The following LINGO2 variants were observed in gnomAD, a reference collection of about 807,000 sequenced individuals.
The protein encoded by LINGO2 is leucine-rich repeat and immunoglobulin-like domain-containing nogo receptor-interacting protein 2.
LINGO2 carries 14 observed loss-of-function variants against 30.6 expected under a neutral mutation model. The observed-to-expected ratio is 0.46, with a 90% CI of 0.30 to 0.72. LINGO2 has a LOEUF of 0.72. Ranked by LOEUF, LINGO2 falls within the 30% of genes least tolerant of loss-of-function variation. The probability of loss-of-function intolerance (pLI) is 0.07; values close to 1 mark genes in which losing one functional copy is unlikely to be tolerated. For synonymous variants in LINGO2, 317 were observed against 288.5 expected (o/e 1.10, Z -1.00); for missense variants, 729 against 751.7 (o/e 0.97, Z 0.35).
chr9:27,973,887 C>T (rs1820470365), intron 5 of LINGO2, among the ~76,000 whole-genome samples: 1 of 152,156 alleles, frequency 6.6e-6, no homozygotes, highest in Non-Finnish European at 1.5e-5. Flanking sequence ...TGACCAATGA[C>T]ATTTACATAT....
chr9:28,199,151 G>C (rs1820124335), intron 4 of LINGO2, among the ~76,000 whole-genome samples: 2 of 151,998 alleles, frequency 1.3e-5, no homozygotes, highest in Admixed American at 1.3e-4. Context: ...TTATTTATCT[G>C]ACTCCTGGTA....
intron 5 of LINGO2, among the ~76,000 whole-genome samples, chr9:28,003,061 T>C (rs912973154): frequency 5.3e-5 from 8 of 152,122 alleles, no homozygotes; most frequent in Admixed American, 4.6e-4. Context: ...GAATATGAAT[T>C]ATTATAAAAT....
At chr9:28,286,398 T>C (rs7024968) in intron 4 of LINGO2, among the ~76,000 whole-genome samples, 8,760 of 152,278 alleles carry the variant, frequency 0.058, 327 homozygotes, top group East Asian at 0.19. Flanking sequence ...GAAGACAGTA[T>C]GGAAATTTCT....
At chr9:28,378,563 T>G (rs1564161496) in intron 2 of LINGO2, among the ~76,000 whole-genome samples, 1 of 152,138 alleles carries the variant, frequency 6.6e-6, no homozygotes. Context: ...TCTTCCAGAC[T>G]TCCAGAAACT....
chr9:28,016,795 T>C (rs990600599), intron 4 of LINGO2, among the ~76,000 whole-genome samples: 7 of 150,766 alleles, frequency 4.6e-5, no homozygotes, highest in Admixed American at 2.6e-4. Flanking sequence ...CTACGGAAAA[T>C]AGTCCAAAAA....
chr9:28,418,275 C>CTTTTTTTTTTT lies in LINGO2; in HGVS notation c.-278-45418_-278-45408dup, dbSNP rs3064826. On this transcript the variant is annotated intron_variant, in intron 2 of 5. Transcript: ENST00000379992. ...TACTTATGTAATGTTAGGCCATGTA[C>CTTTTTTTTTTT]TTTTTTTTTTTTTTTTTTTTTGAGA... 1.9e-5 allele frequency among the ~76,000 whole-genome samples: 2 copies of CTTTTTTTTTTT among 106,760 alleles called. 1 individual carries two copies. The allele number at this position is 106,760 out of a possible 152,430, so 70.0% of individuals were successfully genotyped here.
At chr9:28,223,243 T>G (rs1339532613) in intron 4 of LINGO2, among the ~76,000 whole-genome samples, 2 of 152,198 alleles carry the variant, frequency 1.3e-5, no homozygotes, top group African/African-American at 2.4e-5. Flanking sequence ...AAGTCCAAGA[T>G]CAAGCCTCCA....
At chr9:29,052,565 T>A in the LINGO2 span, among the ~76,000 whole-genome samples, 3 of 152,214 alleles carry the variant, frequency 2.0e-5, no homozygotes, top group Admixed American at 6.5e-5. Flanking sequence ...TGTAAGTTTT[T>A]GAAATTCAAA....
At chr9:28,753,586 C>A in the LINGO2 span, among the ~76,000 whole-genome samples, 1 of 152,008 alleles carries the variant, frequency 6.6e-6, no homozygotes, top group African/African-American at 2.4e-5. Flanking sequence ...TGAGGGGAAG[C>A]TTTTAATTTC....
chr9:29,151,432 GC>G, the LINGO2 span, among the ~76,000 whole-genome samples: 2 of 152,130 alleles, frequency 1.3e-5, no homozygotes, highest in East Asian at 3.9e-4. Context: ...ATGGTATAAT[GC>G]CCCACTTAAA....
At chr9:28,730,285 C>T in the LINGO2 span, among the ~76,000 whole-genome samples, 1 of 152,104 alleles carries the variant, frequency 6.6e-6, no homozygotes, top group Non-Finnish European at 1.5e-5. Flanking sequence ...AAACAGCAAG[C>T]AATCCAGATG....
intron 1 of LINGO2, among the ~76,000 whole-genome samples, chr9:28,499,025 T>C (rs1166118740): frequency 6.6e-6 from 1 of 152,200 alleles, no homozygotes; most frequent in East Asian, 1.9e-4. Flanking sequence ...ATGTAACCTA[T>C]ATTCATAATA....
At chr9:28,305,427 G>T (rs1186731312) in intron 3 of LINGO2, among the ~76,000 whole-genome samples, 1 of 151,860 alleles carries the variant, frequency 6.6e-6, no homozygotes, top group Non-Finnish European at 1.5e-5. Context: ...TGTTAAAACT[G>T]CCTTTATTTG....
chr9:29,004,818 A>C, the LINGO2 span, among the ~76,000 whole-genome samples: 1 of 151,934 alleles, frequency 6.6e-6, no homozygotes, highest in South Asian at 2.1e-4. Context: ...CTCTTGACGT[A>C]AGAGTTAGTT....
chr9:28,794,149 C>T, the LINGO2 span, among the ~76,000 whole-genome samples: 6 of 151,976 alleles, frequency 3.9e-5, no homozygotes, highest in African/African-American at 1.5e-4. Context: ...ACTAAAAATA[C>T]GAAAATTAGC....
the LINGO2 span, among the ~76,000 whole-genome samples, chr9:28,824,185 C>A: frequency 1.3e-5 from 2 of 152,098 alleles, no homozygotes; most frequent in African/African-American, 2.4e-5. Context: ...AAGAACTGGA[C>A]TCTAGTCTCT....
At chr9:28,047,626 G>C (rs1205999418) in intron 4 of LINGO2, among the ~76,000 whole-genome samples, 1 of 150,766 alleles carries the variant, frequency 6.6e-6, no homozygotes, top group East Asian at 2.0e-4. Flanking sequence ...GCTTCCTCGG[G>C]AGAGTTATGG....
the LINGO2 span, among the ~76,000 whole-genome samples, chr9:29,134,877 A>G: frequency 2.0e-5 from 3 of 152,076 alleles, no homozygotes; most frequent in Non-Finnish European, 4.4e-5. Flanking sequence ...ATTTATAGCT[A>G]TATTATCTTC....
intron 2 of LINGO2, among the ~76,000 whole-genome samples, chr9:28,378,307 A>C (rs1821211093): frequency 6.6e-6 from 1 of 152,178 alleles, no homozygotes; most frequent in Non-Finnish European, 1.5e-5. Context: ...AGTGGACAAA[A>C]GGTTATTTAT....
Sources: gnomAD v4.1 joint callset for allele counts (sites outside exome capture counted in the v4.1 genomes callset) on GRCh38, gnomAD v4.1.1 for gene constraint, MANE v1.5 for transcripts, NCBI Gene and HGNC (gene_info 2026-07-23, HGNC 2026-07-21) for gene names.